Variants in TMEM139 observed in about 807,000 individuals in gnomAD.
TMEM139 encodes the protein transmembrane protein 139.
In TMEM139, 9 loss-of-function variants were observed where a neutral mutation model predicts 15.9. The ratio of observed to expected loss-of-function variants is 0.57; its 90% CI spans 0.34 to 0.99. TMEM139 has a LOEUF of 0.99. Among genes scored for constraint, TMEM139 ranks in the 50% least tolerant of loss-of-function variants. The pLI is 0.02. For missense variants in TMEM139, 270 were observed against 267.7 expected, an observed-to-expected ratio of 1.01 and a Z score of -0.06; for synonymous variants, 95 against 110.5, an observed-to-expected ratio of 0.86 and a Z score of 0.88.
intron 1 of TMEM139, 177 bp from the exon 2 acceptor site, chr7:143,285,764 C>T: frequency 2.5e-6 from 2 of 794,076 alleles, no homozygotes; most frequent in Non-Finnish European, 3.9e-6. Context: ...CTGGCTATTC[C>T]ACACACTCCA....
chr7:143,286,867 C>T lies in TMEM139; in HGVS notation c.*38C>T. On this transcript the variant is annotated 3_prime_UTR_variant, in exon 3 of 3. Transcript: ENST00000359333. ...AGATTTCTCTTCTCTCCACACCAGACCTCGTTCATTTGACTAACATTTTCC... is the reference window on the plus strand; with the variant it reads ...AGATTTCTCTTCTCTCCACACCAGATCTCGTTCATTTGACTAACATTTTCC... 6.6e-7 allele frequency: 1 copy of T among 1,525,208 alleles called. No individual in the cohort carries two copies. Among genetic ancestry groups the T allele is most frequent in the South Asian group, 1.3e-5 (1 of 77,644 alleles). The allele number at this position is 1,525,208 out of a possible 1,614,324, so 94.5% of individuals were successfully genotyped here. A position where few individuals can be genotyped will look rare whatever the true frequency, so the allele number is the denominator to read the frequency against.
intron 1 of TMEM139, 148 bp from the exon 2 acceptor site, chr7:143,285,793 G>A (rs1013898853): frequency 1.0e-4 from 108 of 1,083,646 alleles, no homozygotes; most frequent in Non-Finnish European, 1.3e-4. Flanking sequence ...AGAGAATTTC[G>A]GAACTGGAGG....
chr7:143,286,007 T>C lies in TMEM139; in HGVS notation c.50T>C (p.Leu17Pro). Reference protein sequence around the residue: ...LGRLEKPLLLLCCASFLLGLA... With the variant: ...LGRLEKPLLLPCCASFLLGLA... ...AGACTGGAGAAGCCGCTTCTCCTCCTGTGCTGCGCCTCCTTCCTACTGGGG... is the reference window on the plus strand; with the variant it reads ...AGACTGGAGAAGCCGCTTCTCCTCCCGTGCTGCGCCTCCTTCCTACTGGGG... The change falls in exon 2 of 3, where the codon CTG becomes CCG. Residue 17 changes from leucine to proline, a missense_variant. Physicochemically the swap from Leu to Pro is moderately conservative, Grantham distance 98 (BLOSUM62 -3). Coordinates refer to ENST00000359333, the MANE Select transcript of TMEM139 (RefSeq NM_001282876.2). 6.2e-7 allele frequency: 1 copy of C among 1,614,216 alleles called. No individual in the cohort carries two copies. The highest frequency in any genetic ancestry group is 8.5e-7 in the Non-Finnish European group (1 of 1,180,032).
Position 143,285,925 on chromosome 7 carries a change from G to A in TMEM139, c.-17-16G>A. On this transcript the variant is annotated splice_polypyrimidine_tract_variant and intron_variant, in intron 1 of 2. Transcript: ENST00000359333. ...AATTGCTAGTGTAGACACAATAGCT[G>A]TGTGTCTTTTTGCAGGAGCCTGGGG... 1 of 1,613,836 alleles carries A rather than the reference G, an allele frequency of 6.2e-7. No homozygotes were observed. Among genetic ancestry groups the A allele is most frequent in the Non-Finnish European group, 8.5e-7 (1 of 1,179,854 alleles).
At position 143,286,748 on chromosome 7, in the gene TMEM139, T is replaced by G; in HGVS notation, c.570T>G (p.Thr190=). The G allele has an allele frequency of 1.9e-6, 3 of 1,614,164 alleles. No homozygotes were observed. Among genetic ancestry groups the G allele is most frequent in the Non-Finnish European group, 2.5e-6 (3 of 1,180,028 alleles). The change falls in exon 3 of 3, where the codon ACT becomes ACG. Residue 190 remains threonine (T), a synonymous_variant. Transcript: ENST00000359333. Reference sequence around the variant, plus strand: ...CAGTCCCCACATTAGAGCCTCTGACTCCACCCCCTGCCTATGATGTCTGCT... The same window carrying G: ...CAGTCCCCACATTAGAGCCTCTGACGCCACCCCCTGCCTATGATGTCTGCT... ...LAAVPTLEPL[T]PPPAYDVCFG... is the part of the protein sequence containing the mutation.
Position 143,285,968 on chromosome 7 carries a change from T to A in TMEM139, c.11T>A (p.Met4Lys), listed in dbSNP as rs1281152793. ...GCCTGGGGAGGGGCCATGGTGCCAA[T>A]GCACTTACTGGGGAGACTGGAGAAG... MVP[M>K]HLLGRLEKPL... The change falls in exon 2 of 3, where the codon ATG becomes AAG. Residue 4 changes from methionine to lysine, a missense_variant. Coordinates refer to ENST00000359333, the MANE Select transcript of TMEM139 (RefSeq NM_001282876.2). 6.2e-7 allele frequency: 1 copy of A among 1,614,178 alleles called. No individual in the cohort carries two copies. Among genetic ancestry groups the A allele is most frequent in the Admixed American group, 1.7e-5 (1 of 60,024 alleles).
At position 143,286,671 on chromosome 7, in the gene TMEM139, C is replaced by T. The variant is rs1459757305; in HGVS notation, c.493C>T (p.Leu165Phe). 4 of 1,614,102 alleles carry T rather than the reference C, an allele frequency of 2.5e-6. No homozygotes were observed. Among genetic ancestry groups the T allele is most frequent in the Non-Finnish European group, 2.5e-6 (3 of 1,180,050 alleles). The change falls in exon 3 of 3, where the codon CTT becomes TTT. Residue 165 changes from leucine to phenylalanine, a missense_variant. Physicochemically the swap from Leu to Phe is conservative, Grantham distance 22. Coordinates refer to ENST00000359333, the MANE Select transcript of TMEM139 (RefSeq NM_001282876.2). ...TGGAAGAGCTCCAATCAACCTTCGG[C>T]TTCGGGGACCACGGGCTGTGTCCAC... ...SPGRAPINLR[L>F]RGPRAVSTAP...
Position 143,286,183 on chromosome 7 carries a change from G to C in TMEM139, c.226G>C (p.Gly76Arg). 6.2e-7 allele frequency: 1 copy of C among 1,613,990 alleles called. No homozygotes were observed. The highest frequency in any genetic ancestry group is 8.5e-7 in the Non-Finnish European group (1 of 1,180,004). The change falls in exon 2 of 3, where the codon GGG (glycine) becomes CGG (arginine). Residue 76 changes from glycine (G) to arginine (R), a missense_variant. Transcript: ENST00000359333. ...QLQSMQTESPGPSGNARDNEA... is the reference protein window; with the variant it reads ...QLQSMQTESPRPSGNARDNEA... ...CCAATCAATGCAGACTGAGAGCCCA[G>C]GGCCCTCAGGCAATGCACGGTGAGT...
At position 143,287,857 on chromosome 7, in the gene TMEM139, T is replaced by C. The variant is rs1422405394; in HGVS notation, c.*1028T>C. 1 of 152,610 alleles carries C rather than the reference T, an allele frequency of 6.6e-6. No homozygotes were observed. The highest frequency in any genetic ancestry group is 1.9e-4 in the East Asian group (1 of 5,188). The allele number at this position is 152,610 out of a possible 1,614,324, so 9.5% of individuals were successfully genotyped here. ...TGAGATCCCAATATTGAGCACCAGG[T>C]TTCCTGGAATTGTGTGCTGCGGCTG... On this transcript the variant is annotated 3_prime_UTR_variant, in exon 3 of 3. Transcript: ENST00000359333.
chr7:143,286,296 T>C, intron 2 of TMEM139, 94 bp downstream of exon 2: 1 of 1,572,374 alleles, frequency 6.4e-7, no homozygotes. Context: ...TCTGGTTTCC[T>C]GTCATTGGCA....
At position 143,285,997 on chromosome 7, in the gene TMEM139, C is replaced by A; in HGVS notation, c.40C>A (p.Leu14Ile). Residue 14 changes from leucine (L) to isoleucine (I), a missense_variant, in exon 2 of 3, where the codon CTT becomes ATT. By Grantham distance (5) the Leu-to-Ile change is conservative (BLOSUM62 2). Coordinates refer to ENST00000359333, the MANE Select transcript of TMEM139 (RefSeq NM_001282876.2). ...MHLLGRLEKPLLLLCCASFLL... is the reference protein window; with the variant it reads ...MHLLGRLEKPILLLCCASFLL... ...CTTACTGGGGAGACTGGAGAAGCCGCTTCTCCTCCTGTGCTGCGCCTCCTT... is the reference window on the plus strand; with the variant it reads ...CTTACTGGGGAGACTGGAGAAGCCGATTCTCCTCCTGTGCTGCGCCTCCTT... The A allele has an allele frequency of 1.2e-6, 2 of 1,614,196 alleles. No homozygotes were observed. Among genetic ancestry groups the A allele is most frequent in the Non-Finnish European group, 1.7e-6 (2 of 1,180,024 alleles).
rs768818154 is a variant in TMEM139 at position 143,286,852 on chromosome 7, T to A, written c.*23T>A. 3.2e-6 allele frequency: 5 copies of A among 1,558,844 alleles called. No homozygotes were observed. The highest frequency in any genetic ancestry group is 4.4e-6 in the Non-Finnish European group (5 of 1,148,714). The stretch of plus-strand genomic sequence containing the variant: ...TAAATGACTCTCCCAAGATTTCTCT[T>A]CTCTCCACACCAGACCTCGTTCATT... On this transcript the variant is annotated 3_prime_UTR_variant, in exon 3 of 3. Transcript: ENST00000359333.
intron 1 of TMEM139, 45 bp downstream of exon 1, chr7:143,285,490 G>C: frequency 5.2e-6 from 1 of 191,580 alleles, no homozygotes; most frequent in Admixed American, 5.3e-5. Context: ...GGGCTGGATT[G>C]AGGGCCTCTG....
At chr7:143,284,939 C>G (rs1004191626), upstream of TMEM139, 1 of 152,506 alleles carries the variant, frequency 6.6e-6, no homozygotes, top group African/African-American at 2.4e-5. Flanking sequence ...CCCACCACCC[C>G]CCACCCCATC....
At position 143,287,192 on chromosome 7, in the gene TMEM139, T is replaced by G. The variant is rs1801366160; in HGVS notation, c.*363T>G. 1 of 183,076 alleles carries G rather than the reference T, an allele frequency of 5.5e-6. No homozygotes were observed. Among genetic ancestry groups the G allele is most frequent in the East Asian group, 1.5e-4 (1 of 6,774 alleles). The allele number at this position is 183,076 out of a possible 1,614,324, so 11.3% of individuals were successfully genotyped here. On this transcript the variant is annotated 3_prime_UTR_variant, in exon 3 of 3. Transcript: ENST00000359333. ...TGTTAGAACCCTTAGGCTTGACAGCTTTGTGAGTTATTATTGAAAAATGAG... is the reference window on the plus strand; with the variant it reads ...TGTTAGAACCCTTAGGCTTGACAGCGTTGTGAGTTATTATTGAAAAATGAG...
Position 143,286,700 on chromosome 7 carries a change from T to C in TMEM139, c.522T>C (p.Ala174=). ...GGGGACCACGGGCTGTGTCCACTGC[T>C]CCTGATCTGCAGAGCTTGGCGGCAG... ...RLRGPRAVST[A]PDLQSLAAVP... Residue 174 remains alanine, a synonymous_variant, in exon 3 of 3, where the codon GCT becomes GCC. Transcript: ENST00000359333. 1 of 1,614,168 alleles carries C rather than the reference T, an allele frequency of 6.2e-7. No homozygotes were observed. Among genetic ancestry groups the C allele is most frequent in the Non-Finnish European group, 8.5e-7 (1 of 1,180,034 alleles).
In TMEM139 at chr7:143,287,565, G is replaced by A. The variant is rs1402015319; in HGVS notation, c.*736G>A. 1 of 152,240 alleles carries A rather than the reference G, an allele frequency of 6.6e-6. No homozygotes were observed. Among genetic ancestry groups the A allele is most frequent in the African/African-American group, 2.4e-5 (1 of 41,452 alleles). 9.4% of individuals were successfully genotyped at this position (152,240 alleles called of 1,614,324 possible). A position where few individuals can be genotyped will look rare whatever the true frequency, so the allele number is the denominator to read the frequency against. ...AGTGTCTGTGCCTCTCCTGCCCAGG[G>A]GCTAGAGAGCAGTCTCCAGTGCAGG... On this transcript the variant is annotated 3_prime_UTR_variant, in exon 3 of 3. Coordinates refer to ENST00000359333, the MANE Select transcript of TMEM139 (RefSeq NM_001282876.2).
In TMEM139 at chr7:143,285,949, G is replaced by A. The variant is rs1158784199; in HGVS notation, c.-9G>A. ...TGTGTGTCTTTTTGCAGGAGCCTGG[G>A]GAGGGGCCATGGTGCCAATGCACTT... is the stretch of plus-strand genomic sequence containing the variant. On this transcript the variant is annotated 5_prime_UTR_variant, in exon 2 of 3. Transcript: ENST00000359333. The A allele has an allele frequency of 6.2e-7, 1 of 1,614,134 alleles. No homozygotes were observed. Among genetic ancestry groups the A allele is most frequent in the African/African-American group, 1.3e-5 (1 of 75,050 alleles).
In TMEM139 at chr7:143,286,443, G is replaced by A; in HGVS notation, c.265G>A (p.Val89Met). 6.5e-7 allele frequency: 1 copy of A among 1,531,080 alleles called. No homozygotes were observed. Among genetic ancestry groups the A allele is most frequent in the Non-Finnish European group, 8.7e-7 (1 of 1,142,964 alleles). The allele number at this position is 1,531,080 out of a possible 1,614,324, so 94.8% of individuals were successfully genotyped here. ...GNARDNEAFE[V>M]PVYEEAVVGL... ...CCTCAGGGACAATGAAGCCTTTGAAGTGCCAGTCTATGAAGAGGCCGTGGT... is the reference window on the plus strand; with the variant it reads ...CCTCAGGGACAATGAAGCCTTTGAAATGCCAGTCTATGAAGAGGCCGTGGT... The change falls in exon 3 of 3, where the codon GTG (valine) becomes ATG (methionine). Residue 89 changes from valine (V) to methionine (M), a missense_variant. Coordinates refer to ENST00000359333, the MANE Select transcript of TMEM139 (RefSeq NM_001282876.2).
Sources: gnomAD v4.1 joint callset for allele counts on GRCh38, gnomAD v4.1.1 for gene constraint, MANE v1.5 for transcripts, NCBI Gene and HGNC (gene_info 2026-07-23, HGNC 2026-07-21) for gene names.